SPTBN4: variants seen among roughly 807,000 people sequenced by gnomAD.
The protein encoded by SPTBN4 is spectrin beta, non-erythrocytic 4.
SPTBN4 carries 96 observed loss-of-function variants against 277.8 expected under a neutral mutation model. That is an observed-to-expected ratio of 0.35 (90% confidence interval 0.29 to 0.41). SPTBN4 has a LOEUF of 0.41. Ranked by LOEUF, SPTBN4 falls within the 10% of genes least tolerant of loss-of-function variation. SPTBN4 has a pLI of 1.00. For synonymous variants in SPTBN4, 1,481 were observed against 1,580.3 expected, an observed-to-expected ratio of 0.94 and a Z score of 1.49; for missense variants, 3,006 against 3,595.7, an observed-to-expected ratio of 0.84 and a Z score of 4.19.
chr19:40,509,640 T>A (rs1051556880), intron 13 of SPTBN4, among the ~76,000 whole-genome samples: 1 of 152,204 alleles, frequency 6.6e-6, no homozygotes, highest in Non-Finnish European at 1.5e-5. Context: ...ATGAGGAAAC[T>A]GAGGCCCAGG....
chr19:40,491,308 A>G (rs2080132908), intron 4 of SPTBN4, among the ~76,000 whole-genome samples: 1 of 152,120 alleles, frequency 6.6e-6, no homozygotes, highest in Non-Finnish European at 1.5e-5. Context: ...ATGGGAGGCA[A>G]CGGGAGACAT....
rs1220445043 is a variant in SPTBN4, at chr19:40,512,934, G to A, written c.2145G>A (p.Leu715=). ...QGELGGRRAL[L]QQALRCGEEL... ...AGCTGGGCGGGCGGCGAGCGTTGCT[G>A]CAGCAGGCCCTGCGGTGTGGCGAGG... Residue 715 remains leucine, a synonymous_variant, in exon 14 of 36, where the codon CTG becomes CTA. Coordinates refer to ENST00000598249, the MANE Select transcript of SPTBN4 (RefSeq NM_020971.3). The A allele has an allele frequency of 7.0e-7, 1 of 1,422,742 alleles. No individual in the cohort carries two copies. Among genetic ancestry groups the A allele is most frequent in the Non-Finnish European group, 9.1e-7 (1 of 1,099,980 alleles). 88.1% of individuals were successfully genotyped at this position (1,422,742 alleles called of 1,614,324 possible). A position where few individuals can be genotyped will look rare whatever the true frequency, so the allele number is the denominator to read the frequency against.
chr19:40,550,907 A>G (rs1233577091), intron 22 of SPTBN4, among the ~76,000 whole-genome samples: 1 of 152,172 alleles, frequency 6.6e-6, no homozygotes, highest in African/African-American at 2.4e-5. Flanking sequence ...TTTACCTCCC[A>G]CCAGCAAAAC....
chr19:40,467,124 G>T lies in SPTBN4; in HGVS notation c.-197G>T, dbSNP rs1012919415. On this transcript the variant is annotated 5_prime_UTR_variant, in exon 1 of 36. Transcript: ENST00000598249. Reference sequence around the variant, plus strand: ...GGGGTCCCGGGGGCGCGCTGAGCGCGGCGGCGGCGCGAGAGAGGGAGGCGC... The same window carrying T: ...GGGGTCCCGGGGGCGCGCTGAGCGCTGCGGCGGCGCGAGAGAGGGAGGCGC... 2 of 148,870 alleles carry T rather than the reference G, an allele frequency of 1.3e-5. No homozygotes were observed. Among genetic ancestry groups the T allele is most frequent in the Non-Finnish European group, 3.0e-5 (2 of 66,434 alleles). The allele number at this position is 148,870 out of a possible 1,614,324, so 9.2% of individuals were successfully genotyped here.
Position 40,560,725 on chromosome 19 carries a change from G to A in SPTBN4, c.5915+322G>A. 7.3e-7 allele frequency: 1 copy of A among 1,366,460 alleles called. No homozygotes were observed. Among genetic ancestry groups the A allele is most frequent in the Admixed American group, 3.4e-5 (1 of 29,850 alleles). The allele number at this position is 1,366,460 out of a possible 1,614,324, so 84.6% of individuals were successfully genotyped here. On this transcript the variant is annotated intron_variant, in intron 27 of 35. Coordinates refer to ENST00000598249, the MANE Select transcript of SPTBN4 (RefSeq NM_020971.3). The surrounding 1 kb of genome is among the most constrained non-coding windows in gnomAD (Gnocchi z 5.2). ...GGGAGGTGTGGGACTGTATTTGTGA[G>A]GGTGGGTGAAGAATTCTAACAATTC...
intron 20 of SPTBN4, 63 bp downstream of exon 20, chr19:40,534,406 A>C (rs565181684): frequency 6.4e-7 from 1 of 1,565,322 alleles, no homozygotes; most frequent in Admixed American, 1.8e-5. Context: ...TCAGGGTCCA[A>C]CCCCACTCAA....
rs561514212 is a variant in SPTBN4, at chr19:40,505,751, GAAGA to G, written c.1666-477_1666-474del. ...GGAAGGAAGGAAGGAAGGAAGGAAGGAAGAAAGAAAGGTGAACAGGAGACACAGA... is the reference window on the plus strand; with the variant it reads ...GGAAGGAAGGAAGGAAGGAAGGAAGGAAGAAAGGTGAACAGGAGACACAGA... On this transcript the variant is annotated intron_variant, in intron 12 of 35. Coordinates refer to ENST00000598249, the MANE Select transcript of SPTBN4 (RefSeq NM_020971.3). Among the ~76,000 whole-genome samples the G allele has an allele frequency of 1.8e-3, 264 of 144,254 alleles. 2 individuals are homozygous for G. The highest frequency in any genetic ancestry group is 3.4e-3 in the Non-Finnish European group (222 of 64,886). The allele number at this position is 144,254 out of a possible 152,430, so 94.6% of individuals were successfully genotyped here.
intron 7 of SPTBN4, 26 bp from the exon 8 acceptor site, chr19:40,501,895 G>T (rs367969538): frequency 2.5e-6 from 4 of 1,604,120 alleles, no homozygotes; most frequent in Non-Finnish European, 3.4e-6. Context: ...CCACTGTCTT[G>T]TTTCCCCACT....
At chr19:40,571,385 T>G (rs1444516449) in intron 33 of SPTBN4, among the ~76,000 whole-genome samples, 1 of 152,180 alleles carries the variant, frequency 6.6e-6, no homozygotes, top group Non-Finnish European at 1.5e-5. Flanking sequence ...GGAGTCCAGC[T>G]CCTGCTTGTC....
At chr19:40,500,072 A>G (rs996613369) in intron 7 of SPTBN4, among the ~76,000 whole-genome samples, 5 of 53,600 alleles carry the variant, frequency 9.3e-5, no homozygotes, top group African/African-American at 4.7e-4. Context: ...GTGAAATCCC[A>G]TATCTACAAA....
At position 40,519,367 on chromosome 19, in the gene SPTBN4, GTCC is replaced by G. The variant is rs2080495881; in HGVS notation, c.2904-28_2904-26del. 1 of 1,477,884 alleles carries G rather than the reference GTCC, an allele frequency of 6.8e-7. No homozygotes were observed. Among genetic ancestry groups the G allele is most frequent in the Non-Finnish European group, 9.0e-7 (1 of 1,115,950 alleles). The allele number at this position is 1,477,884 out of a possible 1,614,324, so 91.5% of individuals were successfully genotyped here. A position where few individuals can be genotyped will look rare whatever the true frequency, so the allele number is the denominator to read the frequency against. The stretch of plus-strand genomic sequence containing the variant: ...CCCTCCGCGCCCAAGAGGAGTCCCT[GTCC>G]TCCTCAAGTCACTCTCTTTCCCCTG... On this transcript the variant is annotated intron_variant, in intron 15 of 35. Coordinates refer to ENST00000598249, the MANE Select transcript of SPTBN4 (RefSeq NM_020971.3). This position sits in a 1 kb window ranked among gnomAD's most constrained non-coding sequence, Gnocchi z 5.7.
At chr19:40,480,963 G>A (rs1163897174) in intron 2 of SPTBN4, among the ~76,000 whole-genome samples, 2 of 152,106 alleles carry the variant, frequency 1.3e-5, no homozygotes, top group African/African-American at 2.4e-5. Context: ...TACTCAGGAC[G>A]CTGAGGCAGG....
intron 24 of SPTBN4, 64 bp from the exon 25 acceptor site, chr19:40,556,018 AGG>A: frequency 1.4e-6 from 2 of 1,442,884 alleles, no homozygotes; most frequent in Non-Finnish European, 1.9e-6. Context: ...GAGGGGGTTT[AGG>A]GGGGTCACGC....
chr19:40,543,818 C>T (rs141864888), intron 20 of SPTBN4, among the ~76,000 whole-genome samples: 1 of 152,248 alleles, frequency 6.6e-6, no homozygotes, highest in East Asian at 1.9e-4. Context: ...TCCATCTAGA[C>T]CTCTTTCTGT....
intron 17 of SPTBN4, chr19:40,524,672 C>T (rs1467577769): frequency 4.4e-6 from 2 of 451,258 alleles, no homozygotes; most frequent in Non-Finnish European, 8.9e-6. Flanking sequence ...CCCTGCCAGG[C>T]TGGTTGTCAA....
At position 40,519,303 on chromosome 19, in the gene SPTBN4, T is replaced by C. The variant is rs895349696; in HGVS notation, c.2904-98T>C. On this transcript the variant is annotated intron_variant, in intron 15 of 35. Coordinates refer to ENST00000598249, the MANE Select transcript of SPTBN4 (RefSeq NM_020971.3). This position sits in a 1 kb window ranked among gnomAD's most constrained non-coding sequence, Gnocchi z 5.7. ...AAACTTTCTGAGGTCACACAGTGGC[T>C]GGGTGGCTTGGGCCTGGATTCTACC... The C allele has an allele frequency of 9.0e-5, 112 of 1,246,462 alleles. No individual in the cohort carries two copies. Among genetic ancestry groups the C allele is most frequent in the Non-Finnish European group, 1.1e-4 (106 of 957,132 alleles). 77.2% of individuals were successfully genotyped at this position (1,246,462 alleles called of 1,614,324 possible). A position where few individuals can be genotyped will look rare whatever the true frequency, so the allele number is the denominator to read the frequency against.
chr19:40,472,751 GC>G lies in SPTBN4; in HGVS notation c.132del (p.Ser45ArgfsTer27). ...REQPAASTAA[A>X]SLFECSRIKA... ...GCAGCCGGCTGCGTCCACCGCAGCG[GC>G]CTCGCTCTTTGAGTGCTCCCGGATC... On this transcript the variant is annotated frameshift_variant, in exon 2 of 36. Coordinates refer to ENST00000598249, the MANE Select transcript of SPTBN4 (RefSeq NM_020971.3). LOFTEE classifies it high-confidence loss of function. 1 of 1,600,802 alleles carries G rather than the reference GC, an allele frequency of 6.2e-7. No individual in the cohort carries two copies. The highest frequency in any genetic ancestry group is 1.3e-5 in the African/African-American group (1 of 74,780).
At chr19:40,525,508 CTGCTGCATGCCAGGCTCAGCAAAACGA>C (rs1455855846) in intron 17 of SPTBN4, among the ~76,000 whole-genome samples, 2 of 152,008 alleles carry the variant, frequency 1.3e-5, no homozygotes, top group Non-Finnish European at 2.9e-5. Context: ...TCTTGAGCAC[CTGCTGCATGCCAGGCTCAGCAAAACGA>C]GGAGGAGGAG....
Position 40,499,695 on chromosome 19 carries a change from C to T in SPTBN4, c.784+2091C>T, listed in dbSNP as rs111300549. ...TTACAGGCCCGAGCCACATGCCTGGCTTAACCTGTCTTCCAAAGTGATGAG... is the reference window on the plus strand; with the variant it reads ...TTACAGGCCCGAGCCACATGCCTGGTTTAACCTGTCTTCCAAAGTGATGAG... On this transcript the variant is annotated intron_variant, in intron 7 of 35. Coordinates refer to ENST00000598249, the MANE Select transcript of SPTBN4 (RefSeq NM_020971.3). Among the ~76,000 whole-genome samples, 542 of 152,158 alleles carry T rather than the reference C, an allele frequency of 3.6e-3. 6 individuals carry two copies. The highest frequency in any genetic ancestry group is 0.013 in the African/African-American group (521 of 41,494).
Sources: gnomAD v4.1 joint callset for allele counts (sites outside exome capture counted in the v4.1 genomes callset) on GRCh38, gnomAD v4.1.1 for gene constraint, Gnocchi (gnomAD v3.1) non-coding constraint, MANE v1.5 for transcripts, NCBI Gene and HGNC (gene_info 2026-07-23, HGNC 2026-07-21) for gene names.